The following PREX1 variants were observed in gnomAD, a reference collection of about 807,000 sequenced individuals.
The protein encoded by PREX1 is phosphatidylinositol-3,4,5-trisphosphate dependent Rac exchange factor 1.
PREX1 carries 41 observed loss-of-function variants against 198.3 expected under a neutral mutation model. That is an observed-to-expected ratio of 0.21 (90% CI 0.16 to 0.27). The LOEUF (loss-of-function observed/expected upper bound fraction) is 0.27, where lower values mean the gene tolerates loss of function less well. PREX1 is among the 10% of genes least tolerant of loss of function. The probability of loss-of-function intolerance (pLI) is 1.00; values close to 1 mark genes in which losing one functional copy is unlikely to be tolerated. For synonymous variants in PREX1, 843 were observed against 887.2 expected, an observed-to-expected ratio of 0.95 and a Z score of 0.89; for missense variants, 1,620 against 2,200.7, an observed-to-expected ratio of 0.74 and a Z score of 5.28.
At chr20:48,868,889 T>C in the PREX1 span, among the ~76,000 whole-genome samples, 2 of 152,212 alleles carry the variant, frequency 1.3e-5, no homozygotes, top group Non-Finnish European at 2.9e-5. Context: ...TTTCTTTTTT[T>C]TCTTTGAGAC....
chr20:48,878,636 C>T, the PREX1 span, among the ~76,000 whole-genome samples: 1 of 152,214 alleles, frequency 6.6e-6, no homozygotes, highest in African/African-American at 2.4e-5. Context: ...CCGCGCCCGG[C>T]CACATTCCCC....
chr20:48,743,199 G>T (rs925919452), intron 3 of PREX1, among the ~76,000 whole-genome samples: 2 of 152,186 alleles, frequency 1.3e-5, no homozygotes, highest in African/African-American at 4.8e-5. Context: ...AAGGTCACTG[G>T]GCTGGCGAGC....
intron 15 of PREX1, 124 bp from the exon 16 acceptor site, chr20:48,660,185 C>A: frequency 8.5e-7 from 1 of 1,174,718 alleles, no homozygotes; most frequent in South Asian, 1.3e-5. Context: ...AAACACTATT[C>A]TATTAAAATG....
upstream of PREX1, among the ~76,000 whole-genome samples, chr20:48,828,723 C>G (rs947261376): frequency 4.6e-5 from 7 of 152,376 alleles, no homozygotes; most frequent in Middle Eastern, 6.8e-3. Flanking sequence ...TTCTTTGCCC[C>G]CTGACCCTGC....
the PREX1 span, among the ~76,000 whole-genome samples, chr20:48,878,219 C>G: frequency 2.6e-5 from 4 of 152,366 alleles, no homozygotes; most frequent in East Asian, 7.7e-4. Context: ...TTCGTTCACT[C>G]TGCTCCAGCC....
intron 6 of PREX1, among the ~76,000 whole-genome samples, chr20:48,701,577 T>C (rs2089874429): frequency 6.6e-6 from 1 of 152,100 alleles, no homozygotes; most frequent in African/African-American, 2.4e-5. Context: ...ATTTATGTCT[T>C]GACTTGTTAC....
chr20:48,882,871 T>C, the PREX1 span, among the ~76,000 whole-genome samples: 4 of 151,954 alleles, frequency 2.6e-5, no homozygotes, highest in African/African-American at 9.7e-5. Flanking sequence ...TGGTCATTTG[T>C]ATATCTTCTT....
At chr20:48,688,556 G>A in intron 10 of PREX1, 101 bp downstream of exon 10, 1 of 1,445,542 alleles carries the variant, frequency 6.9e-7, no homozygotes. Flanking sequence ...GCCCAGGATG[G>A]CTCCTGGGCA....
chr20:48,627,744 T>C (rs2089284169), intron 38 of PREX1, 117 bp downstream of exon 38: 1 of 1,394,308 alleles, frequency 7.2e-7, no homozygotes, highest in African/African-American at 1.4e-5. Context: ...CCCTCCAGAT[T>C]CAGAGAAGGC....
chr20:48,716,527 C>T (rs1266945105), intron 5 of PREX1, among the ~76,000 whole-genome samples: 5 of 152,258 alleles, frequency 3.3e-5, no homozygotes, highest in East Asian at 1.9e-4. Flanking sequence ...ATCCCAAGGC[C>T]CAGGAGAGGA....
chr20:48,777,295 A>G (rs944578211), intron 1 of PREX1, among the ~76,000 whole-genome samples: 4 of 152,218 alleles, frequency 2.6e-5, no homozygotes, highest in African/African-American at 9.6e-5. Flanking sequence ...AGCCTCCAGC[A>G]TGAGGCCCAG....
intron 1 of PREX1, among the ~76,000 whole-genome samples, chr20:48,804,291 G>A (rs934336355): frequency 6.6e-6 from 1 of 152,202 alleles, no homozygotes; most frequent in African/African-American, 2.4e-5. Flanking sequence ...AGCGAAGGAA[G>A]AGCAGGCAAG....
chr20:48,828,258 G>C (rs2090521305), upstream of PREX1, among the ~76,000 whole-genome samples: 1 of 151,566 alleles, frequency 6.6e-6, no homozygotes, highest in Non-Finnish European at 1.5e-5. Flanking sequence ...CCGCGGAGCC[G>C]GGAGTCCGAG....
upstream of PREX1, among the ~76,000 whole-genome samples, chr20:48,832,142 G>GAAA (rs11481327): frequency 1.3e-5 from 2 of 150,632 alleles, no homozygotes; most frequent in Non-Finnish European, 3.0e-5. Flanking sequence ...TCAGGGGGAA[G>GAAA]AAAAAAAAAG....
chr20:48,646,690 A>G (rs1228080693), intron 25 of PREX1, among the ~76,000 whole-genome samples: 1 of 151,884 alleles, frequency 6.6e-6, no homozygotes, highest in Non-Finnish European at 1.5e-5. Context: ...AAAAAAAAAA[A>G]AAGAAAAGAA....
chr20:48,684,725 C>T lies in PREX1; in HGVS notation c.1335-3390G>A, dbSNP rs116109194. 0.014 allele frequency among the ~76,000 whole-genome samples: 2,160 copies of T among 152,208 alleles called. 54 individuals carry two copies. Among genetic ancestry groups the T allele is most frequent in the African/African-American group, 0.049 (2,048 of 41,512 alleles). ...CCAGTGGCTTCCCACAGCACCAAGA[C>T]GGAAATGTGAGCTGCCTGCCAAGGC... On this transcript the variant is annotated intron_variant, in intron 10 of 39. Coordinates refer to ENST00000371941, the MANE Select transcript of PREX1 (RefSeq NM_020820.4). The surrounding 1 kb of genome is among the most constrained non-coding windows in gnomAD (Gnocchi z 4.2).
rs374663869 is a variant in PREX1, at chr20:48,752,525, G to A, written c.220-4645C>T. ...CATGTGCAGGGCAGGCCAGAGGTGC[G>A]GAAGAAGTAAGACTGCCTGGGAGCA... On this transcript the variant is annotated intron_variant, in intron 1 of 39. Coordinates refer to ENST00000371941, the MANE Select transcript of PREX1 (RefSeq NM_020820.4). Among the ~76,000 whole-genome samples the A allele has an allele frequency of 3.0e-4, 45 of 152,284 alleles. No homozygotes were observed. In the East Asian group the frequency reaches 7.7e-3, roughly 26 times the overall value.
At chr20:48,832,643 C>T (rs1046811550), upstream of PREX1, among the ~76,000 whole-genome samples, 3 of 152,198 alleles carry the variant, frequency 2.0e-5, no homozygotes, top group Admixed American at 1.3e-4. Flanking sequence ...CTCAAATCAA[C>T]GCTGGACACA....
intron 32 of PREX1, among the ~76,000 whole-genome samples, chr20:48,635,819 T>C (rs1049402400): frequency 6.6e-6 from 1 of 152,200 alleles, no homozygotes; most frequent in Admixed American, 6.5e-5. Context: ...GTTTGGAGAA[T>C]GAAGGAACTT....
Sources: gnomAD v4.1 joint callset for allele counts (sites outside exome capture counted in the v4.1 genomes callset) on GRCh38, gnomAD v4.1.1 for gene constraint, Gnocchi (gnomAD v3.1) non-coding constraint, MANE v1.5 for transcripts, NCBI Gene and HGNC (gene_info 2026-07-23, HGNC 2026-07-21) for gene names.